The following SUCLG2 variants were observed in gnomAD, a reference collection of about 807,000 sequenced individuals.
SUCLG2 encodes the protein succinate--CoA ligase [GDP-forming] subunit beta, mitochondrial.
In SUCLG2, 42 loss-of-function variants were observed where a neutral mutation model predicts 47.9. That is an observed-to-expected ratio of 0.88 (90% CI 0.69 to 1.14). SUCLG2 has a LOEUF of 1.14. Ranked by LOEUF, SUCLG2 falls within the 50% of genes most tolerant of loss-of-function variation. SUCLG2 has a pLI of 0.00. For synonymous variants in SUCLG2, 195 were observed against 197.3 expected (o/e 0.99, Z 0.10); for missense variants, 571 against 525.9 (o/e 1.09, Z -0.84).
At chr3:67,587,435 G>A (rs979642524) in intron 2 of SUCLG2, among the ~76,000 whole-genome samples, 8 of 152,178 alleles carry the variant, frequency 5.3e-5, no homozygotes, top group African/African-American at 1.9e-4. Context: ...CATAATAACC[G>A]TGGCATTTCT....
At chr3:67,540,475 T>A (rs909443581) in intron 2 of SUCLG2, among the ~76,000 whole-genome samples, 1 of 152,128 alleles carries the variant, frequency 6.6e-6, no homozygotes, top group Admixed American at 6.5e-5. Flanking sequence ...GCAAAGTCAC[T>A]GTAGCCAGAC....
chr3:67,544,830 T>C (rs1279530781), intron 2 of SUCLG2, among the ~76,000 whole-genome samples: 2 of 152,226 alleles, frequency 1.3e-5, no homozygotes, highest in East Asian at 3.8e-4. Context: ...GCCAGGATCC[T>C]GCACTATAAA....
intron 2 of SUCLG2, among the ~76,000 whole-genome samples, chr3:67,598,360 T>C (rs1181319765): frequency 6.6e-6 from 1 of 152,186 alleles, no homozygotes; most frequent in Non-Finnish European, 1.5e-5. Flanking sequence ...TTAATCTTAT[T>C]CAGGTAACCA....
In SUCLG2 at chr3:67,421,404, A is replaced by G. The variant is rs1425343429; in HGVS notation, c.1063-20553T>C. ...AAAACAATCAAAGAAGCAGGGATGC[A>G]TAACATTTCACTAGCAGTCAGTTGG... On this transcript the variant is annotated intron_variant, in intron 9 of 10. Coordinates refer to ENST00000307227, the MANE Select transcript of SUCLG2 (RefSeq NM_003848.4). 2.0e-5 allele frequency among the ~76,000 whole-genome samples: 3 copies of G among 152,222 alleles called. No homozygotes were observed. In the East Asian group the frequency reaches 5.8e-4, roughly 29 times the overall value.
At chr3:67,402,826 T>A (rs1018730820) in intron 9 of SUCLG2, among the ~76,000 whole-genome samples, 3 of 152,240 alleles carry the variant, frequency 2.0e-5, no homozygotes, top group African/African-American at 7.2e-5. Context: ...TCTCATTAAA[T>A]TAGAATCACT....
chr3:67,584,208 T>C (rs1364115667), intron 2 of SUCLG2, among the ~76,000 whole-genome samples: 2 of 152,220 alleles, frequency 1.3e-5, no homozygotes, highest in Non-Finnish European at 2.9e-5. Context: ...TGGAATACTC[T>C]TCGGTAACAC....
At chr3:67,370,280 A>G (rs980636734), downstream of SUCLG2, among the ~76,000 whole-genome samples, 5 of 152,230 alleles carry the variant, frequency 3.3e-5, no homozygotes, top group Middle Eastern at 3.2e-3. Flanking sequence ...TATGTTTAAT[A>G]AAGAACAATA....
rs114956109 is a variant in SUCLG2, at chr3:67,634,264, T to C, written c.84+20239A>G. 3.1e-3 allele frequency among the ~76,000 whole-genome samples: 474 copies of C among 152,250 alleles called. 1 individual carries two copies. Among genetic ancestry groups the C allele is most frequent in the African/African-American group, 0.011 (439 of 41,542 alleles). On this transcript the variant is annotated intron_variant, in intron 1 of 10. Transcript: ENST00000307227. The stretch of plus-strand genomic sequence containing the variant: ...TAACTCTTCACCAGGACCACTACCA[T>C]CACCAAGGTTACTATCAAGAGTCTG...
chr3:67,375,464 T>A lies in SUCLG2; in HGVS notation c.*280A>T. On this transcript the variant is annotated 3_prime_UTR_variant, in exon 11 of 11. Transcript: ENST00000307227. ...TCTATACACACAATATTTGGCCACA[T>A]AGACCACTCCCCAAAGTCTGCAAAA... is the stretch of plus-strand genomic sequence containing the variant. 9.0e-7 allele frequency: 1 copy of A among 1,116,482 alleles called. No individual in the cohort carries two copies. Among genetic ancestry groups the A allele is most frequent in the Non-Finnish European group, 1.1e-6 (1 of 913,020 alleles). 69.2% of individuals were successfully genotyped at this position (1,116,482 alleles called of 1,614,324 possible).
At chr3:67,578,218 T>C (rs1707791679) in intron 2 of SUCLG2, among the ~76,000 whole-genome samples, 1 of 147,286 alleles carries the variant, frequency 6.8e-6, no homozygotes, top group Admixed American at 6.8e-5. Context: ...ATTTTATATA[T>C]ATTTCATATA....
At chr3:67,450,814 G>T (rs749140742) in intron 9 of SUCLG2, among the ~76,000 whole-genome samples, 2 of 152,154 alleles carry the variant, frequency 1.3e-5, no homozygotes, top group South Asian at 2.1e-4. Context: ...TACTGTATCT[G>T]GCCCATGGCT....
chr3:67,406,839 A>T (rs1478662557), intron 9 of SUCLG2, among the ~76,000 whole-genome samples: 1 of 152,222 alleles, frequency 6.6e-6, no homozygotes, highest in Non-Finnish European at 1.5e-5. Context: ...AATTTACAAT[A>T]AGCTTATAAA....
chr3:67,454,280 T>G (rs1307760239), intron 9 of SUCLG2, among the ~76,000 whole-genome samples: 1 of 152,116 alleles, frequency 6.6e-6, no homozygotes, highest in Non-Finnish European at 1.5e-5. Flanking sequence ...GAGTAATTGT[T>G]GAATAAATAA....
At chr3:67,610,968 TGAA>T (rs1338544179) in intron 1 of SUCLG2, among the ~76,000 whole-genome samples, 1 of 152,178 alleles carries the variant, frequency 6.6e-6, no homozygotes, top group African/African-American at 2.4e-5. Context: ...TGTATCTCTG[TGAA>T]GAAGGTGACA....
intron 10 of SUCLG2, among the ~76,000 whole-genome samples, chr3:67,380,547 T>C (rs1702134382): frequency 6.6e-6 from 1 of 152,200 alleles, no homozygotes; most frequent in Non-Finnish European, 1.5e-5. Flanking sequence ...TTATTAAGCA[T>C]ATACTAGGCA....
At chr3:67,607,998 T>G (rs1251169321) in intron 2 of SUCLG2, among the ~76,000 whole-genome samples, 1 of 152,178 alleles carries the variant, frequency 6.6e-6, no homozygotes, top group African/African-American at 2.4e-5. Context: ...GAGAATAGAC[T>G]AATACACTCC....
At position 67,582,478 on chromosome 3, in the gene SUCLG2, T is replaced by C. The variant is rs543292021; in HGVS notation, c.226+26977A>G. Among the ~76,000 whole-genome samples, 9 of 152,316 alleles carry C rather than the reference T, an allele frequency of 5.9e-5. No homozygotes were observed. The South Asian group carries it at 8.3e-4, about 14-fold the overall frequency. On this transcript the variant is annotated intron_variant, in intron 2 of 10. Transcript: ENST00000307227. Reference sequence around the variant, plus strand: ...TTTTTTATGGTGGCATAGTATTCCATGCTATATATGTACCACATTTTCTTT... The same window carrying C: ...TTTTTTATGGTGGCATAGTATTCCACGCTATATATGTACCACATTTTCTTT...
chr3:67,467,769 T>C (rs181796277), intron 9 of SUCLG2, among the ~76,000 whole-genome samples: 1 of 152,262 alleles, frequency 6.6e-6, no homozygotes, highest in Admixed American at 6.5e-5. Context: ...TGCTGAGTTG[T>C]TTCTATTAAT....
intron 8 of SUCLG2, among the ~76,000 whole-genome samples, chr3:67,497,744 TG>T (rs1326233365): frequency 2.0e-5 from 3 of 152,212 alleles, no homozygotes; most frequent in African/African-American, 7.2e-5. Flanking sequence ...ATTTCTCAGT[TG>T]GGGTGATTTT....
Sources: gnomAD v4.1 joint callset for allele counts (sites outside exome capture counted in the v4.1 genomes callset) on GRCh38, gnomAD v4.1.1 for gene constraint, MANE v1.5 for transcripts, NCBI Gene and HGNC (gene_info 2026-07-23, HGNC 2026-07-21) for gene names.